ZFHX4: variants seen among roughly 807,000 people sequenced by gnomAD.
The protein encoded by ZFHX4 is zinc finger homeobox 4.
Under a neutral mutation model 267.6 loss-of-function variants are expected in ZFHX4, and 56 were observed. The observed-to-expected ratio is 0.21, with a 90% CI of 0.17 to 0.26. The LOEUF (loss-of-function observed/expected upper bound fraction) is 0.26, where lower values mean the gene tolerates loss of function less well. ZFHX4 is among the 10% of genes least tolerant of loss of function. The pLI, the probability that ZFHX4 is intolerant of heterozygous loss-of-function variation, is 1.00. For synonymous variants in ZFHX4, 1,778 were observed against 1,665.6 expected (o/e 1.07, Z -1.64); for missense variants, 4,332 against 4,420.0 (o/e 0.98, Z 0.56).
chr8:76,717,820 C>T (rs528137590), intron 3 of ZFHX4, among the ~76,000 whole-genome samples: 38 of 152,184 alleles, frequency 2.5e-4, no homozygotes, highest in Non-Finnish European at 4.9e-4. Context: ...AGGTCTCGAA[C>T]TCCTGGGCTC....
At chr8:76,830,846 C>T (rs2131886262) in intron 4 of ZFHX4, among the ~76,000 whole-genome samples, 1 of 152,256 alleles carries the variant, frequency 6.6e-6, no homozygotes, top group South Asian at 2.1e-4. Flanking sequence ...TATGAAACAG[C>T]AGGATTTTCA....
At position 76,852,172 on chromosome 8, in the gene ZFHX4, G is replaced by A. The variant is rs1259727145; in HGVS notation, c.5251G>A (p.Gly1751Arg). Residue 1751 changes from glycine (G) to arginine (R), a missense_variant, in exon 10 of 11, where the codon GGG (glycine) becomes AGG (arginine). Transcript: ENST00000651372. ...TATACCTGGGACGGAGTTCAGCTTGGGGCCAGATTTGGGCTTGCCAGGCTC... is the reference window on the plus strand; with the variant it reads ...TATACCTGGGACGGAGTTCAGCTTGAGGCCAGATTTGGGCTTGCCAGGCTC... ...FYIPGTEFSL[G>R]PDLGLPGSAT... The A allele has an allele frequency of 1.9e-6, 3 of 1,613,862 alleles. 1 individual carries two copies. The South Asian group carries it at 3.3e-5, about 18-fold the overall frequency.
Position 76,833,341 on chromosome 8 carries a change from C to G in ZFHX4, c.3329C>G (p.Thr1110Ser). 1 of 1,610,474 alleles carries G rather than the reference C, an allele frequency of 6.2e-7. No homozygotes were observed. The highest frequency in any genetic ancestry group is 8.5e-7 in the Non-Finnish European group (1 of 1,178,120). The change falls in exon 5 of 11, where the codon ACT becomes AGT. Residue 1110 changes from threonine to serine, a missense_variant. Coordinates refer to ENST00000651372, the MANE Select transcript of ZFHX4 (RefSeq NM_024721.5). Reference sequence around the variant, plus strand: ...TTCACTCTGATGTCTTCTGCAGAAACTGCCTCATTGGGAGCCAGGACTTGT... The same window carrying G: ...TTCACTCTGATGTCTTCTGCAGAAAGTGCCTCATTGGGAGCCAGGACTTGT... ...VKDCPPNELE[T>S]ASLGARTCDD...
intron 3 of ZFHX4, among the ~76,000 whole-genome samples, chr8:76,761,320 C>T (rs1809906411): frequency 6.6e-6 from 1 of 152,172 alleles, no homozygotes; most frequent in African/African-American, 2.4e-5. Context: ...TAGGTAGCCT[C>T]CTCATGAAAT....
At chr8:76,766,940 T>C (rs1309937125) in intron 3 of ZFHX4, among the ~76,000 whole-genome samples, 2 of 152,086 alleles carry the variant, frequency 1.3e-5, no homozygotes, top group African/African-American at 2.4e-5. Context: ...GTTTAATTAA[T>C]GTAGTTTTTT....
chr8:76,748,758 C>T (rs1366643916), intron 3 of ZFHX4, among the ~76,000 whole-genome samples: 1 of 148,102 alleles, frequency 6.8e-6, no homozygotes, highest in Non-Finnish European at 1.5e-5. Context: ...ACTATAACAG[C>T]CTCCAAACTA....
intron 4 of ZFHX4, among the ~76,000 whole-genome samples, chr8:76,796,883 T>A (rs988383730): frequency 2.6e-5 from 4 of 152,220 alleles, no homozygotes; most frequent in Non-Finnish European, 5.9e-5. Flanking sequence ...CCCATCTTTT[T>A]CATACAACTC....
At chr8:76,812,741 C>G (rs1460348700) in intron 4 of ZFHX4, among the ~76,000 whole-genome samples, 1 of 151,922 alleles carries the variant, frequency 6.6e-6, no homozygotes, top group Admixed American at 6.6e-5. Context: ...TTTTTAGGTT[C>G]CATAAAGATT....
At chr8:76,767,970 G>A (rs971155075) in intron 3 of ZFHX4, among the ~76,000 whole-genome samples, 14 of 152,154 alleles carry the variant, frequency 9.2e-5, no homozygotes, top group Non-Finnish European at 1.8e-4. Flanking sequence ...AAGGGATTCA[G>A]ATAAGGTATT....
intron 4 of ZFHX4, among the ~76,000 whole-genome samples, chr8:76,794,564 G>T (rs574438175): frequency 6.6e-6 from 1 of 152,162 alleles, no homozygotes; most frequent in Admixed American, 6.5e-5. Flanking sequence ...AGAACAATGC[G>T]CTGCCACTTC....
Position 76,856,995 on chromosome 8 carries a change from T to C in ZFHX4, c.9379+695T>C, listed in dbSNP as rs1383965006. Among the ~76,000 whole-genome samples the C allele has an allele frequency of 4.6e-5, 7 of 152,344 alleles. No individual in the cohort carries two copies. The East Asian group carries it at 1.3e-3, about 29-fold the overall frequency. Reference sequence around the variant, plus strand: ...ACATTAATATTACTTCATGCCTTTATTCCCTCACCCCTAGCCCCAGCTAAA... The same window carrying C: ...ACATTAATATTACTTCATGCCTTTACTCCCTCACCCCTAGCCCCAGCTAAA... On this transcript the variant is annotated intron_variant, in intron 10 of 10. Transcript: ENST00000651372.
chr8:76,681,769 C>T (rs1807535552), intron 1 of ZFHX4, 149 bp downstream of exon 1: 1 of 311,078 alleles, frequency 3.2e-6, no homozygotes, highest in Non-Finnish European at 5.8e-6. Context: ...CCCTACCTCG[C>T]TCGCTCCTGC....
At chr8:76,832,033 G>A (rs1005194253) in intron 4 of ZFHX4, among the ~76,000 whole-genome samples, 1 of 151,018 alleles carries the variant, frequency 6.6e-6, no homozygotes, top group Non-Finnish European at 1.5e-5. Context: ...TATTATGATT[G>A]TATTGTTTTT....
chr8:76,723,702 G>T (rs1373892119), intron 3 of ZFHX4, among the ~76,000 whole-genome samples: 1 of 151,850 alleles, frequency 6.6e-6, no homozygotes, highest in African/African-American at 2.4e-5. Context: ...TGGTTTAGTG[G>T]AGGAGACAGT....
chr8:76,835,209 G>GTATATATATGTATATATATATA (rs1417224671), intron 5 of ZFHX4, among the ~76,000 whole-genome samples: 215 of 46,464 alleles, frequency 4.6e-3, no homozygotes, highest in Non-Finnish European at 5.6e-3. Context: ...TTGCTTTGGT[G>GTATATATATGTATATATATATA]TATATATATG....
intron 4 of ZFHX4, among the ~76,000 whole-genome samples, chr8:76,818,907 A>G (rs1480417269): frequency 6.6e-6 from 1 of 151,966 alleles, no homozygotes; most frequent in Non-Finnish European, 1.5e-5. Flanking sequence ...ACACAGCGAG[A>G]CCTTGCCTAA....
Position 76,778,354 on chromosome 8 carries a change from C to G in ZFHX4, c.3240C>G (p.Leu1080=), listed in dbSNP as rs981272310. ...AGCAGACTGAGGGCCTACGGAAGCT[C>G]CAGCTCCACCAGCAAGGCCTGGCAC... ...KHQQTEGLRK[L]QLHQQGLAPE... The change falls in exon 4 of 11, where the codon CTC becomes CTG. Residue 1080 remains leucine, a synonymous_variant. Transcript: ENST00000651372. The G allele has an allele frequency of 6.2e-7, 1 of 1,613,872 alleles. No homozygotes were observed. The highest frequency in any genetic ancestry group is 2.2e-5 in the East Asian group (1 of 44,878).
Position 76,865,472 on chromosome 8 carries a change from T to C in ZFHX4, c.*907T>C, listed in dbSNP as rs1211139419. ...GAACTCTAGTGCACTTATGATTTTG[T>C]AGACCATGTGAAATTTAATAAGATA... On this transcript the variant is annotated 3_prime_UTR_variant, in exon 11 of 11. Coordinates refer to ENST00000651372, the MANE Select transcript of ZFHX4 (RefSeq NM_024721.5). The C allele has an allele frequency of 1.3e-5, 2 of 152,596 alleles. No homozygotes were observed. Among genetic ancestry groups the C allele is most frequent in the Admixed American group, 6.6e-5 (1 of 15,256 alleles). 9.5% of individuals were successfully genotyped at this position (152,596 alleles called of 1,614,324 possible). A position where few individuals can be genotyped will look rare whatever the true frequency, so the allele number is the denominator to read the frequency against.
At chr8:76,723,747 GA>G (rs1223388314) in intron 3 of ZFHX4, among the ~76,000 whole-genome samples, 1 of 151,930 alleles carries the variant, frequency 6.6e-6, no homozygotes, top group Non-Finnish European at 1.5e-5. Flanking sequence ...ATTAAACAAA[GA>G]AATGATTACT....
Sources: allele counts gnomAD v4.1 joint callset (sites outside exome capture counted in the v4.1 genomes callset), GRCh38; gene constraint gnomAD v4.1.1; transcripts MANE v1.5; gene names NCBI Gene and HGNC (gene_info 2026-07-23, HGNC 2026-07-21).